The following BEND4 variants were observed in gnomAD, a reference collection of about 807,000 sequenced individuals.
BEND4 encodes the protein BEN domain containing 4, also known as BEN domain-containing protein 4.
Under a neutral mutation model 54.7 loss-of-function variants are expected in BEND4, and 27 were observed. The observed-to-expected ratio is 0.49, with a 90% CI of 0.36 to 0.68. BEND4 has a LOEUF of 0.68. Among genes scored for constraint, BEND4 ranks in the 30% least tolerant of loss-of-function variants. The probability of loss-of-function intolerance (pLI) is 0.00; values close to 1 mark genes in which losing one functional copy is unlikely to be tolerated. For missense variants in BEND4, 702 were observed against 697.2 expected (o/e 1.01, Z -0.08); for synonymous variants, 327 against 299.5 (o/e 1.09, Z -0.95).
intron 2 of BEND4, among the ~76,000 whole-genome samples, chr4:42,147,594 T>C (rs1232323396): frequency 6.7e-6 from 1 of 149,744 alleles, no homozygotes; most frequent in Non-Finnish European, 1.5e-5. Context: ...TTCCCTAAAA[T>C]TAAACACCAT....
At chr4:42,142,150 C>A (rs544781749) in intron 3 of BEND4, among the ~76,000 whole-genome samples, 4 of 151,620 alleles carry the variant, frequency 2.6e-5, no homozygotes, top group East Asian at 4.0e-4. Flanking sequence ...TGTGATCCGC[C>A]CCCCCTCGGC....
At chr4:42,149,038 C>T (rs1488038635) in intron 2 of BEND4, among the ~76,000 whole-genome samples, 2 of 152,156 alleles carry the variant, frequency 1.3e-5, no homozygotes, top group Admixed American at 6.5e-5. Flanking sequence ...TTCATCTTTT[C>T]ACTCCATTTA....
chr4:42,139,954 T>C (rs1439378222), intron 3 of BEND4, among the ~76,000 whole-genome samples: 3 of 152,250 alleles, frequency 2.0e-5, no homozygotes, highest in Non-Finnish European at 4.4e-5. Flanking sequence ...CAGTGTACCA[T>C]GTACTGCACT....
rs1229456839 is a variant in BEND4 at position 42,113,644 on chromosome 4, C to T, written c.*3874G>A. 3.3e-5 allele frequency: 5 copies of T among 152,130 alleles called. No individual in the cohort carries two copies. Among genetic ancestry groups the T allele is most frequent in the African/African-American group, 1.2e-4 (5 of 41,418 alleles). The allele number at this position is 152,130 out of a possible 1,614,324, so 9.4% of individuals were successfully genotyped here. On this transcript the variant is annotated 3_prime_UTR_variant, in exon 6 of 6. Coordinates refer to ENST00000502486, the MANE Select transcript of BEND4 (RefSeq NM_207406.4). ...AAAAAAATCCTATCAACATCAGTTA[C>T]CACTAGTTGATGGGACATGGAGTAG...
Position 42,111,523 on chromosome 4 carries a change from G to A in BEND4, c.*5995C>T, listed in dbSNP as rs1719569829. 1 of 152,200 alleles carries A rather than the reference G, an allele frequency of 6.6e-6. No homozygotes were observed. Among genetic ancestry groups the A allele is most frequent in the African/African-American group, 2.4e-5 (1 of 41,450 alleles). The allele number at this position is 152,200 out of a possible 1,614,324, so 9.4% of individuals were successfully genotyped here. A position where few individuals can be genotyped will look rare whatever the true frequency, so the allele number is the denominator to read the frequency against. On this transcript the variant is annotated 3_prime_UTR_variant, in exon 6 of 6. Coordinates refer to ENST00000502486, the MANE Select transcript of BEND4 (RefSeq NM_207406.4). ...CACCTCTAGCATGCCCTGTTCCCAA[G>A]AAGTGCAAGCCAGGACCCTCATGGC...
intron 3 of BEND4, among the ~76,000 whole-genome samples, chr4:42,128,964 C>CAA (rs1382009479): frequency 6.6e-6 from 1 of 152,102 alleles, no homozygotes; most frequent in Non-Finnish European, 1.5e-5. Flanking sequence ...AAAGCTTATT[C>CAA]AAATAGGAAG....
chr4:42,125,562 A>G (rs1293303053), intron 4 of BEND4, 21 bp downstream of exon 4: 1 of 1,575,808 alleles, frequency 6.3e-7, no homozygotes. Flanking sequence ...TGGAACATTC[A>G]CCTTTTTACC....
At chr4:42,131,025 G>A (rs1470662969) in intron 3 of BEND4, among the ~76,000 whole-genome samples, 1 of 152,106 alleles carries the variant, frequency 6.6e-6, no homozygotes, top group African/African-American at 2.4e-5. Context: ...ACGAGAATAC[G>A]TGGACACATG....
Position 42,117,567 on chromosome 4 carries a change from G to C in BEND4, c.1556C>G (p.Ser519Cys), listed in dbSNP as rs115434634. The C allele has an allele frequency of 1.8e-3, 2,976 of 1,613,190 alleles. 52 individuals are homozygous for C. The African/African-American group carries it at 0.035, about 19-fold the overall frequency. ...SFYEGIDHQA[S>C]QDEVFNKSSQ... ...ACTTTTATTGAAGACTTCATCCTGA[G>C]AAGCCTGGTGATCGATCCCTTCATA... The change falls in exon 6 of 6, where the codon TCT (serine) becomes TGT (cysteine). Residue 519 changes from serine (S) to cysteine (C), a missense_variant. Ser to Cys is a moderately radical substitution (Grantham distance 112). Coordinates refer to ENST00000502486, the MANE Select transcript of BEND4 (RefSeq NM_207406.4).
chr4:42,145,765 A>G (rs1228720355), intron 2 of BEND4, among the ~76,000 whole-genome samples: 1 of 152,048 alleles, frequency 6.6e-6, no homozygotes, highest in Non-Finnish European at 1.5e-5. Context: ...CATGCCTTAC[A>G]TCTCCCAAAT....
At chr4:42,139,728 C>A (rs967141531) in intron 3 of BEND4, among the ~76,000 whole-genome samples, 2 of 152,128 alleles carry the variant, frequency 1.3e-5, no homozygotes, top group East Asian at 3.8e-4. Context: ...CTGAGCGTTG[C>A]GTTCTCCTTT....
At chr4:42,117,776 A>G in intron 5 of BEND4, 41 bp from the exon 6 acceptor site, 1 of 1,408,914 alleles carries the variant, frequency 7.1e-7, no homozygotes, top group Non-Finnish European at 9.7e-7. Context: ...AGAGAGAAAA[A>G]AACAGCTGGT....
At chr4:42,130,724 A>G (rs1720476947) in intron 3 of BEND4, among the ~76,000 whole-genome samples, 1 of 152,206 alleles carries the variant, frequency 6.6e-6, no homozygotes, top group Non-Finnish European at 1.5e-5. Flanking sequence ...TATATACCCA[A>G]AGGAATATAA....
At chr4:42,119,602 T>C (rs1719982402) in intron 5 of BEND4, among the ~76,000 whole-genome samples, 1 of 152,138 alleles carries the variant, frequency 6.6e-6, no homozygotes, top group African/African-American at 2.4e-5. Flanking sequence ...TATTTTAGCA[T>C]TAAGGAGAAT....
intron 2 of BEND4, 69 bp downstream of exon 2, chr4:42,151,588 C>A (rs1721285621): frequency 7.9e-6 from 11 of 1,393,720 alleles, no homozygotes; most frequent in Non-Finnish European, 1.0e-5. Flanking sequence ...CCCCCCGCTT[C>A]TCCTTCCTGG....
In BEND4 at chr4:42,111,647, A is replaced by C. The variant is rs1719574882; in HGVS notation, c.*5871T>G. On this transcript the variant is annotated 3_prime_UTR_variant, in exon 6 of 6. Transcript: ENST00000502486. ...TACTGTATTTTCTTACAAAATTTTC[A>C]CAACAGTTCTCACAGTGACATCATA... The C allele has an allele frequency of 6.6e-6, 1 of 152,250 alleles. No individual in the cohort carries two copies. The highest frequency in any genetic ancestry group is 2.4e-5 in the African/African-American group (1 of 41,472). 9.4% of individuals were successfully genotyped at this position (152,250 alleles called of 1,614,324 possible).
chr4:42,139,053 TCTAAG>T (rs1484244352), intron 3 of BEND4, among the ~76,000 whole-genome samples: 1 of 152,218 alleles, frequency 6.6e-6, no homozygotes, highest in African/African-American at 2.4e-5. Flanking sequence ...ATGTGACTAC[TCTAAG>T]CTGACACTCT....
intron 3 of BEND4, among the ~76,000 whole-genome samples, chr4:42,136,138 A>G (rs1348506156): frequency 6.6e-6 from 1 of 152,158 alleles, no homozygotes; most frequent in African/African-American, 2.4e-5. Context: ...ATGATCCGTG[A>G]GCTTCTCAGG....
At chr4:42,146,836 G>C (rs768025547) in intron 2 of BEND4, among the ~76,000 whole-genome samples, 3 of 152,160 alleles carry the variant, frequency 2.0e-5, no homozygotes, top group African/African-American at 7.2e-5. Context: ...TGGCTAGTAA[G>C]AACTGCTTGA....
Sources: gnomAD v4.1 joint callset for allele counts (sites outside exome capture counted in the v4.1 genomes callset) on GRCh38, gnomAD v4.1.1 for gene constraint, MANE v1.5 for transcripts, NCBI Gene and HGNC (gene_info 2026-07-23, HGNC 2026-07-21) for gene names.